AMBRA1: variants seen among roughly 807,000 people sequenced by gnomAD.
AMBRA1 encodes activating molecule in BECN1-regulated autophagy protein 1.
Under a neutral mutation model 125.4 loss-of-function variants are expected in AMBRA1, and 47 were observed. The observed-to-expected ratio is 0.37, with a 90% CI of 0.30 to 0.48. The LOEUF (loss-of-function observed/expected upper bound fraction) is 0.48, where lower values mean the gene tolerates loss of function less well. Ranked by LOEUF, AMBRA1 falls within the 20% of genes least tolerant of loss-of-function variation. The pLI, the probability that AMBRA1 is intolerant of heterozygous loss-of-function variation, is 0.99. For synonymous variants in AMBRA1, 626 were observed against 655.5 expected, an observed-to-expected ratio of 0.95 and a Z score of 0.69; for missense variants, 1,331 against 1,693.4, an observed-to-expected ratio of 0.79 and a Z score of 3.76.
chr11:46,410,141 C>G, intron 16 of AMBRA1, 135 bp downstream of exon 16: 1 of 751,866 alleles, frequency 1.3e-6, no homozygotes, highest in Non-Finnish European at 2.3e-6. Context: ...AAACTGTACA[C>G]AAAAGATCAA....
chr11:46,517,657 A>ACC (rs1343804010), intron 7 of AMBRA1, among the ~76,000 whole-genome samples: 3 of 149,134 alleles, frequency 2.0e-5, no homozygotes, highest in African/African-American at 7.4e-5. Flanking sequence ...ACATGGTGAA[A>ACC]CCATGTCTCT....
chr11:46,548,208 A>T (rs1392988679), intron 2 of AMBRA1, 38 bp downstream of exon 2: 2 of 1,613,264 alleles, frequency 1.2e-6, no homozygotes, highest in Non-Finnish European at 1.7e-6. Context: ...TACCATCACC[A>T]GCACAAATCC....
intron 1 of AMBRA1, among the ~76,000 whole-genome samples, chr11:46,557,206 C>A (rs2043184227): frequency 6.8e-6 from 1 of 147,920 alleles, no homozygotes; most frequent in Admixed American, 6.8e-5. Flanking sequence ...GAGGCTGAGG[C>A]AGGAGAATCA....
chr11:46,477,855 C>T (rs1033984680), intron 11 of AMBRA1, among the ~76,000 whole-genome samples: 1 of 151,948 alleles, frequency 6.6e-6, no homozygotes, highest in Admixed American at 6.6e-5. Context: ...ACGGGCAGAT[C>T]GCTTGAGGTC....
chr11:46,514,263 G>A (rs1951385715), intron 7 of AMBRA1, among the ~76,000 whole-genome samples: 1 of 152,096 alleles, frequency 6.6e-6, no homozygotes, highest in Admixed American at 6.5e-5. Flanking sequence ...CCAGCAACTG[G>A]CCCACTGCAG....
chr11:46,535,949 C>T (rs748821999), intron 7 of AMBRA1, among the ~76,000 whole-genome samples: 1 of 152,184 alleles, frequency 6.6e-6, no homozygotes, highest in South Asian at 2.1e-4. Flanking sequence ...ACATAGCACA[C>T]AGTGAAACAT....
At chr11:46,474,142 C>T (rs1565196153) in intron 11 of AMBRA1, among the ~76,000 whole-genome samples, 1 of 150,440 alleles carries the variant, frequency 6.6e-6, no homozygotes, top group Non-Finnish European at 1.5e-5. Flanking sequence ...TTTACTGGTT[C>T]AGGGTGCTGC....
At chr11:46,564,681 C>G (rs2043460898) in intron 1 of AMBRA1, among the ~76,000 whole-genome samples, 1 of 152,152 alleles carries the variant, frequency 6.6e-6, no homozygotes, top group African/African-American at 2.4e-5. Context: ...CTGAATGAAT[C>G]TGAGTCAGAA....
At chr11:46,496,418 G>A (rs1950633025) in intron 9 of AMBRA1, among the ~76,000 whole-genome samples, 1 of 152,012 alleles carries the variant, frequency 6.6e-6, no homozygotes, top group South Asian at 2.1e-4. Flanking sequence ...AATAAAGCTA[G>A]AAAAGAAGCA....
chr11:46,518,295 T>A, intron 7 of AMBRA1: 1 of 186,640 alleles, frequency 5.4e-6, no homozygotes, highest in Non-Finnish European at 1.2e-5. Flanking sequence ...CCGGGCGTGG[T>A]GGTGGGCTCC....
intron 7 of AMBRA1, chr11:46,518,429 C>CAAAAAAAAAAAAAAAAAAAAAAAAA (rs761919668): frequency 1.7e-5 from 1 of 58,362 alleles, no homozygotes; most frequent in Admixed American, 2.1e-4. Context: ...GACTCCGTCT[C>CAAAAAAAAAAAAAAAAAAAAAAAAA]AAAAAAAAAA....
At position 46,478,925 on chromosome 11, in the gene AMBRA1, G is replaced by A. The variant is rs140817330; in HGVS notation, c.2521+14683C>T. On this transcript the variant is annotated intron_variant, in intron 11 of 17. Transcript: ENST00000683756. The stretch of plus-strand genomic sequence containing the variant: ...TTAAAAAAAGCAATTTGTGCTGGAC[G>A]CAGTGGCTCACGCCAGTAATCCTAA... Among the ~76,000 whole-genome samples, 9 of 152,272 alleles carry A rather than the reference G, an allele frequency of 5.9e-5. No homozygotes were observed. In the East Asian group the frequency reaches 9.6e-4, roughly 16 times the overall value.
intron 7 of AMBRA1, among the ~76,000 whole-genome samples, chr11:46,513,546 A>C (rs1653290922): frequency 6.6e-6 from 1 of 152,200 alleles, no homozygotes; most frequent in South Asian, 2.1e-4. Context: ...TACATACATG[A>C]GAACACTGGG....
At chr11:46,438,893 G>A (rs1001369034) in intron 12 of AMBRA1, among the ~76,000 whole-genome samples, 21 of 152,176 alleles carry the variant, frequency 1.4e-4, no homozygotes, top group African/African-American at 4.8e-5. Context: ...TCAAGTGAGA[G>A]AAGCAGGTGG....
intron 10 of AMBRA1, 67 bp from the exon 11 acceptor site, chr11:46,493,775 C>A: frequency 7.6e-7 from 1 of 1,310,858 alleles, no homozygotes; most frequent in Non-Finnish European, 1.1e-6. Context: ...TAACTACCTA[C>A]ACTGAAAAAT....
chr11:46,407,766 T>C (rs1426585666), intron 17 of AMBRA1, among the ~76,000 whole-genome samples: 2 of 152,202 alleles, frequency 1.3e-5, no homozygotes, highest in South Asian at 2.1e-4. Context: ...CCATGGTCTC[T>C]TCTGGGCAAA....
At chr11:46,581,574 C>T (rs1450486422) in intron 1 of AMBRA1, among the ~76,000 whole-genome samples, 1 of 152,012 alleles carries the variant, frequency 6.6e-6, no homozygotes, top group African/African-American at 2.4e-5. Flanking sequence ...CCACTGCACT[C>T]CTGCCTGGGT....
At position 46,494,037 on chromosome 11, in the gene AMBRA1, G is replaced by A. The variant is rs189905929; in HGVS notation, c.2420+87C>T. The A allele has an allele frequency of 2.4e-4, 307 of 1,305,540 alleles. 6 individuals are homozygous for A. In the East Asian group the frequency reaches 7.8e-3, roughly 33 times the overall value. 80.9% of individuals were successfully genotyped at this position (1,305,540 alleles called of 1,614,324 possible). On this transcript the variant is annotated intron_variant, in intron 10 of 17. Transcript: ENST00000683756. ...CCACTAGGAAACAATGCCAGATGTG[G>A]ACAATTCAAAGACCAGAAAGTAGGT...
In AMBRA1 at chr11:46,545,724, G is replaced by A. The variant is rs1565279367; in HGVS notation, c.431C>T (p.Ala144Val). 6.2e-7 allele frequency: 1 copy of A among 1,614,196 alleles called. No homozygotes were observed. Among genetic ancestry groups the A allele is most frequent in the Non-Finnish European group, 8.5e-7 (1 of 1,180,024 alleles). ...TDSNNAIASLAFHPTAQLLLI... is the reference protein window; with the variant it reads ...TDSNNAIASLVFHPTAQLLLI... ...CAGGAGCTGAGCCGTAGGGTGGAAAGCCAGGGAGGCAATGGCATTGTTGCT... is the reference window on the plus strand; with the variant it reads ...CAGGAGCTGAGCCGTAGGGTGGAAAACCAGGGAGGCAATGGCATTGTTGCT... Residue 144 changes from alanine (A) to valine (V), a missense_variant, in exon 5 of 18, where the codon GCT (alanine) becomes GTT (valine). By Grantham distance (64) the Ala-to-Val change is moderately conservative. Coordinates refer to ENST00000683756, the MANE Select transcript of AMBRA1 (RefSeq NM_001387011.1).
Sources: allele counts gnomAD v4.1 joint callset (sites outside exome capture counted in the v4.1 genomes callset), GRCh38; gene constraint gnomAD v4.1.1; transcripts MANE v1.5; gene names NCBI Gene and HGNC (gene_info 2026-07-23, HGNC 2026-07-21).